The following SWT1 variants were observed in gnomAD, a reference collection of about 807,000 sequenced individuals.
The protein encoded by SWT1 is transcriptional protein SWT1.
SWT1 carries 33 observed loss-of-function variants against 107.3 expected under a neutral mutation model. The observed-to-expected ratio is 0.31, with a 90% CI of 0.23 to 0.41. The LOEUF is 0.41. Among genes scored for constraint, SWT1 ranks in the 10% least tolerant of loss-of-function variants. The pLI is 1.00. For missense variants in SWT1, 898 were observed against 1,028.9 expected, an observed-to-expected ratio of 0.87 and a Z score of 1.74; for synonymous variants, 345 against 348.3, an observed-to-expected ratio of 0.99 and a Z score of 0.11.
intron 15 of SWT1, among the ~76,000 whole-genome samples, chr1:185,225,292 A>T (rs902715327): frequency 2.0e-5 from 3 of 151,974 alleles, no homozygotes; most frequent in African/African-American, 2.4e-5. Context: ...TGAACTTTTA[A>T]ATGTGTGGTT....
intron 4 of SWT1, among the ~76,000 whole-genome samples, chr1:185,174,110 A>G (rs537670443): frequency 2.0e-5 from 3 of 152,318 alleles, no homozygotes; most frequent in Non-Finnish European, 4.4e-5. Flanking sequence ...GATAATAATA[A>G]TTATTTTACA....
intron 15 of SWT1, chr1:185,227,736 G>C (rs1455680911): frequency 2.1e-6 from 1 of 467,814 alleles, no homozygotes; most frequent in East Asian, 5.5e-5. Flanking sequence ...CAGCTTGACA[G>C]AGACCTGCAG....
At chr1:185,158,383 C>T (rs4579715) in intron 1 of SWT1, among the ~76,000 whole-genome samples, 2,423 of 151,730 alleles carry the variant, frequency 0.016, 66 homozygotes, top group African/African-American at 0.055. Flanking sequence ...CAGCTTTTAT[C>T]TAGTATTCCT....
At chr1:185,175,319 T>C (rs1353290934) in intron 5 of SWT1, among the ~76,000 whole-genome samples, 1 of 151,830 alleles carries the variant, frequency 6.6e-6, no homozygotes. Flanking sequence ...CTTGACCTCC[T>C]GGGTTCAAGC....
chr1:185,231,537 GTA>G (rs1380599327), intron 15 of SWT1, 38 bp from the exon 16 acceptor site: 2 of 1,441,404 alleles, frequency 1.4e-6, no homozygotes, highest in Admixed American at 1.9e-5. Flanking sequence ...CATTAAATAT[GTA>G]TGTATACCTA....
chr1:185,252,304 G>A lies in SWT1; in HGVS notation c.2442-19019G>A, dbSNP rs1230185305. On this transcript the variant is annotated intron_variant, in intron 16 of 18. Transcript: ENST00000367500. ...TCCTTTGGGTATATACCCAGTAATGGGATGGCTGGGTCAAATGGTATTTCC... is the reference window on the plus strand; with the variant it reads ...TCCTTTGGGTATATACCCAGTAATGAGATGGCTGGGTCAAATGGTATTTCC... Among the ~76,000 whole-genome samples, 5 of 152,094 alleles carry A rather than the reference G, an allele frequency of 3.3e-5. 1 individual carries two copies. The South Asian group carries it at 6.2e-4, about 19-fold the overall frequency.
At position 185,202,678 on chromosome 1, in the gene SWT1, A is replaced by G; in HGVS notation, c.1548A>G (p.Lys516=). Residue 516 remains lysine (K), a synonymous_variant, in exon 11 of 19, where the codon AAA becomes AAG. Transcript: ENST00000367500. ...GGGATGATAGAAACTTAAGAAACAA[A>G]GGCCTAATAAGTGGTGTGAAGTCAC... ...LCTDDRNLRN[K]GLISGVKSLS... is the part of the protein sequence containing the mutation. The G allele has an allele frequency of 6.2e-7, 1 of 1,607,698 alleles. No individual in the cohort carries two copies. The highest frequency in any genetic ancestry group is 1.1e-5 in the South Asian group (1 of 89,486).
rs762017274 is a variant in SWT1, at chr1:185,290,716, A to G, written c.2616A>G (p.Glu872=). The G allele has an allele frequency of 7.5e-6, 12 of 1,604,946 alleles. No homozygotes were observed. The South Asian group carries it at 1.2e-4, about 16-fold the overall frequency. ...GATGCCGCCAGCTGGTTGAGATGGA[A>G]TATACCATGCAGCAGTGCAATGCAT... ...TIGCRQLVEM[E]YTMQQCNASV... Residue 872 remains glutamate (E), a synonymous_variant, in exon 19 of 19, where the codon GAA becomes GAG. Coordinates refer to ENST00000367500, the MANE Select transcript of SWT1 (RefSeq NM_017673.7).
At chr1:185,183,996 CAG>C (rs1434405030) in intron 7 of SWT1, among the ~76,000 whole-genome samples, 4 of 152,152 alleles carry the variant, frequency 2.6e-5, no homozygotes, top group African/African-American at 4.8e-5. Context: ...CCACTCCAAA[CAG>C]GGGTTGCAAT....
At chr1:185,263,644 A>G (rs1038951467) in intron 16 of SWT1, 3 of 152,226 alleles carry the variant, frequency 2.0e-5, no homozygotes, top group African/African-American at 7.2e-5. Context: ...TGATAACACA[A>G]GCTGTCTTTT....
At position 185,231,585 on chromosome 1, in the gene SWT1, T is replaced by A; in HGVS notation, c.2318T>A (p.Val773Glu). 6.2e-7 allele frequency: 1 copy of A among 1,607,296 alleles called. No individual in the cohort carries two copies. Reference protein sequence around the residue: ...WITIYQNSTDVFQRLGSNSAL... With the variant: ...WITIYQNSTDEFQRLGSNSAL... ...TTTTTTCTCTATTTTAGCACGGATGTATTTCAAAGATTGGGCTCAAATTCA... is the reference window on the plus strand; with the variant it reads ...TTTTTTCTCTATTTTAGCACGGATGAATTTCAAAGATTGGGCTCAAATTCA... Residue 773 changes from valine to glutamate, a missense_variant, in exon 16 of 19, where the codon GTA becomes GAA. Val to Glu is a moderately radical substitution (Grantham distance 121). Coordinates refer to ENST00000367500, the MANE Select transcript of SWT1 (RefSeq NM_017673.7).
At chr1:185,173,906 T>C (rs1049607991) in intron 4 of SWT1, among the ~76,000 whole-genome samples, 3 of 152,022 alleles carry the variant, frequency 2.0e-5, no homozygotes, top group African/African-American at 7.2e-5. Context: ...GTAGTCCCAG[T>C]TACGTGGTAG....
chr1:185,273,053 G>A (rs1212066361), intron 17 of SWT1, among the ~76,000 whole-genome samples: 1 of 151,738 alleles, frequency 6.6e-6, no homozygotes, highest in Non-Finnish European at 1.5e-5. Context: ...AGGGGGAGGG[G>A]ATGGTTAACT....
chr1:185,267,045 T>G (rs536044860), intron 16 of SWT1, among the ~76,000 whole-genome samples: 8 of 152,314 alleles, frequency 5.3e-5, no homozygotes, highest in African/African-American at 1.7e-4. Flanking sequence ...TGTCCTTTTA[T>G]TGGTGGGAAA....
At chr1:185,285,705 T>G (rs997642476) in intron 18 of SWT1, among the ~76,000 whole-genome samples, 2 of 152,220 alleles carry the variant, frequency 1.3e-5, no homozygotes, top group African/African-American at 4.8e-5. Flanking sequence ...TGAGTTAATT[T>G]TTGTATATGA....
chr1:185,257,480 G>C (rs973635269), intron 16 of SWT1, among the ~76,000 whole-genome samples: 1 of 151,174 alleles, frequency 6.6e-6, no homozygotes, highest in African/African-American at 2.4e-5. Context: ...ATATAATCTC[G>C]TGGTGCGCCG....
intron 18 of SWT1, among the ~76,000 whole-genome samples, chr1:185,280,205 C>T (rs958225487): frequency 1.4e-4 from 21 of 152,158 alleles, no homozygotes; most frequent in African/African-American, 4.8e-4. Context: ...CTTCACTCAG[C>T]ACTTCTCATT....
intron 18 of SWT1, among the ~76,000 whole-genome samples, chr1:185,287,756 AAAG>A (rs1006674473): frequency 6.6e-6 from 1 of 152,214 alleles, no homozygotes; most frequent in Non-Finnish European, 1.5e-5. Context: ...GATCTAATAA[AAAG>A]TATAGGCCAA....
At position 185,281,371 on chromosome 1, in the gene SWT1, C is replaced by T; in HGVS notation, c.2573+4703C>T. 8.5e-6 allele frequency: 2 copies of T among 236,552 alleles called. 1 individual carries two copies. Among genetic ancestry groups the T allele is most frequent in the Non-Finnish European group, 1.7e-5 (2 of 116,240 alleles). 14.7% of individuals were successfully genotyped at this position (236,552 alleles called of 1,614,324 possible). Reference sequence around the variant, plus strand: ...AACATTTGAGCATGTGACTGTGAAACTGGAGCAGAGGAAGCTGAGGAAGTC... The same window carrying T: ...AACATTTGAGCATGTGACTGTGAAATTGGAGCAGAGGAAGCTGAGGAAGTC... On this transcript the variant is annotated intron_variant, in intron 18 of 18. Transcript: ENST00000367500.
Sources: allele counts gnomAD v4.1 joint callset (sites outside exome capture counted in the v4.1 genomes callset), GRCh38; gene constraint gnomAD v4.1.1; transcripts MANE v1.5; gene names NCBI Gene and HGNC (gene_info 2026-07-23, HGNC 2026-07-21).